Variants in SRGAP3 observed in about 807,000 individuals in gnomAD.
The protein encoded by SRGAP3 is SLIT-ROBO Rho GTPase activating protein 3.
A neutral mutation model predicts 121.1 loss-of-function variants in SRGAP3; 39 were observed. That is an observed-to-expected ratio of 0.32 (90% CI 0.25 to 0.42). The LOEUF (loss-of-function observed/expected upper bound fraction) is 0.42, where lower values mean the gene tolerates loss of function less well. SRGAP3 is among the 10% of genes least tolerant of loss of function. The pLI, the probability that SRGAP3 is intolerant of heterozygous loss-of-function variation, is 1.00. For missense variants in SRGAP3, 1,213 were observed against 1,470.6 expected (o/e 0.82, Z 2.86); for synonymous variants, 601 against 570.0 (o/e 1.05, Z -0.77).
chr3:9,251,046 G>A (rs1329731092), upstream of SRGAP3, among the ~76,000 whole-genome samples: 1 of 152,094 alleles, frequency 6.6e-6, no homozygotes, highest in Non-Finnish European at 1.5e-5. Context: ...GATTCTGTTT[G>A]GACTCAGAAA....
intron 3 of SRGAP3, among the ~76,000 whole-genome samples, chr3:9,092,205 G>T (rs1947786581): frequency 6.6e-6 from 1 of 151,944 alleles, no homozygotes; most frequent in African/African-American, 2.4e-5. Flanking sequence ...TACGTAACAG[G>T]CCTGAGGAAG....
At position 9,116,429 on chromosome 3, in the gene SRGAP3, C is replaced by T. The variant is rs140696808; in HGVS notation, c.260+8296G>A. ...GAGGGAGACTAGAAATGGTCCCTTG[C>T]CTTCAGGCAGCTGGCCGACTGAAGT... is the stretch of plus-strand genomic sequence containing the variant. On this transcript the variant is annotated intron_variant, in intron 2 of 21. Transcript: ENST00000383836. Among the ~76,000 whole-genome samples the T allele has an allele frequency of 9.5e-3, 1,448 of 152,274 alleles. 36 individuals carry two copies. The highest frequency in any genetic ancestry group is 8.0e-3 in the Non-Finnish European group (545 of 68,022).
At chr3:9,173,295 T>C (rs1286642313) in intron 1 of SRGAP3, among the ~76,000 whole-genome samples, 1 of 152,216 alleles carries the variant, frequency 6.6e-6, no homozygotes, top group African/African-American at 2.4e-5. Context: ...AAAGTTCTAA[T>C]GCCGGGGCTG....
intron 2 of SRGAP3, among the ~76,000 whole-genome samples, chr3:9,119,305 C>T (rs550775764): frequency 1.7e-4 from 26 of 152,300 alleles, no homozygotes; most frequent in African/African-American, 5.8e-4. Flanking sequence ...CATCACTGTC[C>T]CTGCCTGGAG....
chr3:9,144,189 A>G (rs139432420), intron 1 of SRGAP3, among the ~76,000 whole-genome samples: 68 of 152,368 alleles, frequency 4.5e-4, no homozygotes, highest in African/African-American at 1.6e-3. Context: ...CTTTTAGGAT[A>G]AAGACCAAAA....
chr3:9,215,923 G>A (rs892016637), intron 1 of SRGAP3, among the ~76,000 whole-genome samples: 4 of 152,216 alleles, frequency 2.6e-5, no homozygotes, highest in Non-Finnish European at 1.5e-5. Flanking sequence ...CCAGCTTGTA[G>A]ATGGCCTAGC....
intron 3 of SRGAP3, among the ~76,000 whole-genome samples, chr3:9,295,865 G>C (rs868852446): frequency 6.6e-6 from 1 of 152,116 alleles, no homozygotes; most frequent in Admixed American, 6.6e-5. Context: ...GACTAATCTA[G>C]ACACTTCATG....
chr3:9,359,968 T>G (rs752740988), intron 1 of SRGAP3, among the ~76,000 whole-genome samples: 9 of 152,242 alleles, frequency 5.9e-5, no homozygotes, highest in Non-Finnish European at 8.8e-5. Flanking sequence ...CGCTCTCTGT[T>G]GCCCAGGCTG....
intron 1 of SRGAP3, among the ~76,000 whole-genome samples, chr3:9,126,988 G>A (rs1319067721): frequency 6.6e-6 from 1 of 152,102 alleles, no homozygotes; most frequent in Non-Finnish European, 1.5e-5. Context: ...TTAAAAAGTT[G>A]ATATTTGGAA....
At chr3:9,236,804 G>C (rs1369916047) in intron 1 of SRGAP3, among the ~76,000 whole-genome samples, 1 of 152,124 alleles carries the variant, frequency 6.6e-6, no homozygotes, top group Non-Finnish European at 1.5e-5. Flanking sequence ...GATTAACACT[G>C]TCTTTTCATA....
At chr3:9,032,873 C>G in intron 11 of SRGAP3, 121 bp from the exon 12 acceptor site, 1 of 875,962 alleles carries the variant, frequency 1.1e-6, no homozygotes, top group Non-Finnish European at 1.8e-6. Context: ...AGCCCCTGAC[C>G]CCCCGCCAAG....
chr3:9,031,797 G>C (rs1388113839), intron 12 of SRGAP3, among the ~76,000 whole-genome samples: 1 of 152,186 alleles, frequency 6.6e-6, no homozygotes, highest in Non-Finnish European at 1.5e-5. Context: ...CATCTTCTCT[G>C]AAGAAAGTGT....
At chr3:8,986,671 TCA>T (rs1414578224) in intron 21 of SRGAP3, among the ~76,000 whole-genome samples, 1 of 152,216 alleles carries the variant, frequency 6.6e-6, no homozygotes, top group Non-Finnish European at 1.5e-5. Flanking sequence ...ATCAGAATGT[TCA>T]CAGCGCACAT....
intron 1 of SRGAP3, among the ~76,000 whole-genome samples, chr3:9,166,603 C>G (rs984071415): frequency 6.6e-6 from 1 of 152,182 alleles, no homozygotes; most frequent in Non-Finnish European, 1.5e-5. Flanking sequence ...CCTGAATGAC[C>G]TCATGGAGCA....
At chr3:9,095,198 G>A (rs1167788782) in intron 3 of SRGAP3, among the ~76,000 whole-genome samples, 1 of 151,584 alleles carries the variant, frequency 6.6e-6, no homozygotes, top group African/African-American at 2.4e-5. Flanking sequence ...ACCTTTTATT[G>A]ATTCTGTGTA....
At chr3:9,247,471 T>A (rs1201525231) in intron 1 of SRGAP3, among the ~76,000 whole-genome samples, 1 of 152,020 alleles carries the variant, frequency 6.6e-6, no homozygotes, top group Non-Finnish European at 1.5e-5. Flanking sequence ...TTGGTGAGAC[T>A]GGAAAAAAAA....
chr3:9,063,134 T>C (rs929044975), intron 5 of SRGAP3, among the ~76,000 whole-genome samples: 3 of 143,058 alleles, frequency 2.1e-5, no homozygotes, highest in South Asian at 4.7e-4. Context: ...CTTTTTTTTT[T>C]TTTTTTTTTT....
intron 19 of SRGAP3, among the ~76,000 whole-genome samples, chr3:8,993,560 C>T (rs897493474): frequency 5.3e-5 from 8 of 152,328 alleles, no homozygotes; most frequent in Middle Eastern, 3.4e-3. Flanking sequence ...CCTCCTTCCA[C>T]GGCCCTCTGC....
chr3:9,312,082 T>C (rs1379053279), intron 3 of SRGAP3, among the ~76,000 whole-genome samples: 1 of 152,260 alleles, frequency 6.6e-6, no homozygotes, highest in African/African-American at 2.4e-5. Flanking sequence ...ACCACAGTTT[T>C]CTTTCATTAC....
Sources: allele counts gnomAD v4.1 joint callset (sites outside exome capture counted in the v4.1 genomes callset), GRCh38; gene constraint gnomAD v4.1.1; transcripts MANE v1.5; gene names NCBI Gene and HGNC (gene_info 2026-07-23, HGNC 2026-07-21).